The following EPHA3 variants were observed in gnomAD, a reference collection of about 807,000 sequenced individuals.
EPHA3 encodes the protein EPH receptor A3.
In EPHA3, 42 loss-of-function variants were observed where a neutral mutation model predicts 107.1. That is an observed-to-expected ratio of 0.39 (90% CI 0.31 to 0.51). The LOEUF (loss-of-function observed/expected upper bound fraction) is 0.51, where lower values mean the gene tolerates loss of function less well. Among genes scored for constraint, EPHA3 ranks in the 20% least tolerant of loss-of-function variants. The pLI, the probability that EPHA3 is intolerant of heterozygous loss-of-function variation, is 0.78. For missense variants in EPHA3, 1,183 were observed against 1,211.2 expected (o/e 0.98, Z 0.35); for synonymous variants, 461 against 424.8 (o/e 1.09, Z -1.05).
chr3:89,364,207 A>G (rs577183707), intron 5 of EPHA3, among the ~76,000 whole-genome samples: 2 of 150,908 alleles, frequency 1.3e-5, no homozygotes, highest in East Asian at 2.0e-4. Flanking sequence ...TGTGGCTGCT[A>G]TTAGCACCAC....
chr3:89,269,771 C>T (rs1325598896), intron 3 of EPHA3, among the ~76,000 whole-genome samples: 3 of 115,726 alleles, frequency 2.6e-5, no homozygotes, highest in Non-Finnish European at 5.0e-5. Context: ...CACCCCACAA[C>T]AGTCCCCAGA....
chr3:89,319,512 T>C (rs1233820899), intron 3 of EPHA3, among the ~76,000 whole-genome samples: 3 of 151,900 alleles, frequency 2.0e-5, no homozygotes, highest in African/African-American at 7.2e-5. Context: ...AATAGAAGCA[T>C]GCACAGATGT....
rs183604568 is a variant in EPHA3 at position 89,247,529 on chromosome 3, T to A, written c.814+37009T>A. Among the ~76,000 whole-genome samples the A allele has an allele frequency of 2.3e-3, 344 of 152,314 alleles. 2 individuals carry two copies. The highest frequency in any genetic ancestry group is 0.013 in the South Asian group (63 of 4,820). On this transcript the variant is annotated intron_variant, in intron 3 of 16. Transcript: ENST00000336596. ...TTCAAGAAATTGTGATGGGTTTATCTAGACTAGTTTTATAAACCTGTAAAG... is the reference window on the plus strand; with the variant it reads ...TTCAAGAAATTGTGATGGGTTTATCAAGACTAGTTTTATAAACCTGTAAAG...
intron 3 of EPHA3, among the ~76,000 whole-genome samples, chr3:89,335,836 A>G (rs1247508465): frequency 1.3e-5 from 2 of 152,200 alleles, no homozygotes; most frequent in East Asian, 3.9e-4. Flanking sequence ...AGATCCATGA[A>G]TAATTTTTCC....
In EPHA3 at chr3:89,213,526, C is replaced by T. The variant is rs1704155263; in HGVS notation, c.814+3006C>T. On this transcript the variant is annotated intron_variant, in intron 3 of 16. Coordinates refer to ENST00000336596, the MANE Select transcript of EPHA3 (RefSeq NM_005233.6). Reference sequence around the variant, plus strand: ...TTGATTATTAGGTCACATACAGTTGCAGCCAGGCAATAATAGATTCATCTG... The same window carrying T: ...TTGATTATTAGGTCACATACAGTTGTAGCCAGGCAATAATAGATTCATCTG... 2.0e-5 allele frequency among the ~76,000 whole-genome samples: 3 copies of T among 151,928 alleles called. No homozygotes were observed. The South Asian group carries it at 6.2e-4, about 31-fold the overall frequency.
At chr3:89,351,314 T>C (rs2107442145) in intron 5 of EPHA3, among the ~76,000 whole-genome samples, 1 of 151,528 alleles carries the variant, frequency 6.6e-6, no homozygotes, top group Admixed American at 6.6e-5. Flanking sequence ...GGATATAGTC[T>C]CGTGGTGCGC....
chr3:89,307,740 A>G (rs1454830303), intron 3 of EPHA3, among the ~76,000 whole-genome samples: 1 of 152,018 alleles, frequency 6.6e-6, no homozygotes, highest in Non-Finnish European at 1.5e-5. Context: ...TTTTGCAGAG[A>G]CAGGGTCTGT....
chr3:89,354,809 G>A lies in EPHA3; in HGVS notation c.1306+12719G>A, dbSNP rs561533878. Among the ~76,000 whole-genome samples the A allele has an allele frequency of 1.1e-3, 173 of 151,054 alleles. 9 individuals carry two copies. In the Middle Eastern group the frequency reaches 0.014, roughly 12 times the overall value. ...GTGAATAAGTGTCTTGTCCATGGCCGCACAACTCCAGAGCCCCTATCTACA... is the reference window on the plus strand; with the variant it reads ...GTGAATAAGTGTCTTGTCCATGGCCACACAACTCCAGAGCCCCTATCTACA... On this transcript the variant is annotated intron_variant, in intron 5 of 16. Coordinates refer to ENST00000336596, the MANE Select transcript of EPHA3 (RefSeq NM_005233.6).
At chr3:89,322,108 A>G (rs1707056334) in intron 3 of EPHA3, among the ~76,000 whole-genome samples, 1 of 149,360 alleles carries the variant, frequency 6.7e-6, no homozygotes, top group Non-Finnish European at 1.5e-5. Context: ...ACACACAAAC[A>G]CACACACACA....
At chr3:89,371,909 C>T (rs1325263910) in intron 5 of EPHA3, among the ~76,000 whole-genome samples, 1 of 151,468 alleles carries the variant, frequency 6.6e-6, no homozygotes, top group East Asian at 1.9e-4. Context: ...TAGAATAAGT[C>T]TGGAGTGGGC....
At chr3:89,313,915 G>A (rs1011569829) in intron 3 of EPHA3, among the ~76,000 whole-genome samples, 14 of 151,810 alleles carry the variant, frequency 9.2e-5, no homozygotes, top group Non-Finnish European at 1.5e-5. Context: ...TTTTTATAAA[G>A]TAAACTATTC....
At chr3:89,295,511 T>C (rs1008530323) in intron 3 of EPHA3, among the ~76,000 whole-genome samples, 4 of 152,224 alleles carry the variant, frequency 2.6e-5, no homozygotes, top group African/African-American at 9.6e-5. Flanking sequence ...TTCAAAATTG[T>C]GGTGAATTCT....
intron 2 of EPHA3, among the ~76,000 whole-genome samples, chr3:89,168,281 T>G (rs1392282265): frequency 6.6e-6 from 1 of 152,178 alleles, no homozygotes; most frequent in Admixed American, 6.5e-5. Flanking sequence ...AATTGAATAC[T>G]TCTTGTGCCA....
chr3:89,460,823 C>CTCTCT (rs1199238290), intron 15 of EPHA3, among the ~76,000 whole-genome samples: 2 of 103,034 alleles, frequency 1.9e-5, no homozygotes, highest in African/African-American at 7.3e-5. Context: ...CTCTGTCTCT[C>CTCTCT]TTTTTTTTTT....
chr3:89,437,196 C>T (rs62275025), intron 13 of EPHA3, among the ~76,000 whole-genome samples: 4,116 of 152,018 alleles, frequency 0.027, 86 homozygotes, highest in Non-Finnish European at 0.038. Flanking sequence ...GGAAAAAAGT[C>T]CCTTAATAAC....
chr3:89,180,731 T>A (rs547151663), intron 2 of EPHA3, among the ~76,000 whole-genome samples: 1 of 152,124 alleles, frequency 6.6e-6, no homozygotes, highest in African/African-American at 2.4e-5. Flanking sequence ...TCTGTCGTTA[T>A]TTTTTAAGGA....
intron 2 of EPHA3, among the ~76,000 whole-genome samples, chr3:89,186,371 T>TA (rs1332513992): frequency 1.3e-5 from 2 of 150,944 alleles, no homozygotes; most frequent in East Asian, 1.9e-4. Flanking sequence ...GTCCTTGGTT[T>TA]AAAAAAAATA....
chr3:89,110,251 T>G (rs1707071945), intron 1 of EPHA3, among the ~76,000 whole-genome samples: 1 of 151,978 alleles, frequency 6.6e-6, no homozygotes, highest in Non-Finnish European at 1.5e-5. Context: ...ACATATTTAC[T>G]AGAATATATT....
At chr3:89,377,625 C>A (rs1347227808) in intron 5 of EPHA3, among the ~76,000 whole-genome samples, 1 of 152,090 alleles carries the variant, frequency 6.6e-6, no homozygotes, top group Non-Finnish European at 1.5e-5. Context: ...TTCAAGTTTG[C>A]TTTGCCTCTA....
Sources: gnomAD v4.1 joint callset for allele counts (sites outside exome capture counted in the v4.1 genomes callset) on GRCh38, gnomAD v4.1.1 for gene constraint, MANE v1.5 for transcripts, NCBI Gene and HGNC (gene_info 2026-07-23, HGNC 2026-07-21) for gene names.